ZSWIM8: variants seen among roughly 807,000 people sequenced by gnomAD.
ZSWIM8 encodes the protein zinc finger SWIM-type containing 8.
Under a neutral mutation model 173.7 loss-of-function variants are expected in ZSWIM8, and 27 were observed. The ratio of observed to expected loss-of-function variants is 0.16; its 90% CI spans 0.11 to 0.21. The LOEUF (loss-of-function observed/expected upper bound fraction) is 0.21. ZSWIM8 is among the 10% of genes least tolerant of loss of function. The pLI, the probability that ZSWIM8 is intolerant of heterozygous loss-of-function variation, is 1.00. For missense variants in ZSWIM8, 1,627 were observed against 2,428.8 expected, an observed-to-expected ratio of 0.67 and a Z score of 6.94; for synonymous variants, 958 against 962.0, an observed-to-expected ratio of 1.00 and a Z score of 0.08.
Position 73,801,358 on chromosome 10 carries a change from G to A in ZSWIM8, c.5344G>A (p.Asp1782Asn). The change falls in exon 26 of 26, where the codon GAC becomes AAC. Residue 1782 changes from aspartate to asparagine, a missense_variant. Asp to Asn is a conservative substitution (Grantham distance 23, BLOSUM62 1). This residue lies in a region of ZSWIM8 where 122 missense variants were observed against 196.1 expected (regional missense o/e 0.62). Transcript: ENST00000604729. The surrounding 1 kb of genome is among the most constrained non-coding windows in gnomAD (Gnocchi z 4.9). ...GATTCACCTGACTCCTGCGGACTACGACGACTTTGTGAATGCGATCCGGAG... is the reference window on the plus strand; with the variant it reads ...GATTCACCTGACTCCTGCGGACTACAACGACTTTGTGAATGCGATCCGGAG... ...RLIHLTPADY[D>N]DFVNAIRSAR... 1 of 1,613,938 alleles carries A rather than the reference G, an allele frequency of 6.2e-7. No individual in the cohort carries two copies.
rs1429376313 is a variant in ZSWIM8, at chr10:73,801,374, C to T, written c.5360C>T (p.Ala1787Val). The T allele has an allele frequency of 8.7e-6, 14 of 1,613,834 alleles. No individual in the cohort carries two copies. The highest frequency in any genetic ancestry group is 2.2e-5 in the East Asian group (1 of 44,892). The change falls in exon 26 of 26, where the codon GCG becomes GTG. Residue 1787 changes from alanine (A) to valine (V), a missense_variant. Physicochemically the swap from Ala to Val is moderately conservative, Grantham distance 64 (BLOSUM62 0). Around this residue, in one of 18 missense-constraint regions of ZSWIM8, gnomAD observed 122 missense variants for 196.1 expected, o/e 0.62. Transcript: ENST00000604729. This position sits in a 1 kb window ranked among gnomAD's most constrained non-coding sequence, Gnocchi z 4.9. ...GCGGACTACGACGACTTTGTGAATG[C>T]GATCCGGAGTGCCCGCAGCGCCTTC... ...TPADYDDFVN[A>V]IRSARSAFCL...
Position 73,799,411 on chromosome 10 carries a change from AC to A in ZSWIM8, c.4589del (p.Pro1530GlnfsTer33). 1 of 1,610,032 alleles carries A rather than the reference AC, an allele frequency of 6.2e-7. No homozygotes were observed. Among genetic ancestry groups the A allele is most frequent in the Admixed American group, 1.7e-5 (1 of 59,600 alleles). On this transcript the variant is annotated frameshift_variant, in exon 21 of 26. Transcript: ENST00000604729. LOFTEE classifies it high-confidence loss of function. ...HLPCSPQYLTHPAHPAHPMPH... is the reference protein window; with the variant it reads ...HLPCSPQYLTXPAHPAHPMPH... ...CCCTGTAGCCCTCAGTATCTCACTC[AC>A]CCAGCTCACCCTGCCCACCCCATGC...
In ZSWIM8 at chr10:73,800,985, C is replaced by A; in HGVS notation, c.5123-32C>A. 6.5e-7 allele frequency: 1 copy of A among 1,527,060 alleles called. No individual in the cohort carries two copies. Among genetic ancestry groups the A allele is most frequent in the South Asian group, 1.2e-5 (1 of 82,624 alleles). 94.6% of individuals were successfully genotyped at this position (1,527,060 alleles called of 1,614,324 possible). A position where few individuals can be genotyped will look rare whatever the true frequency, so the allele number is the denominator to read the frequency against. On this transcript the variant is annotated intron_variant, in intron 24 of 25. Coordinates refer to ENST00000604729, the MANE Select transcript of ZSWIM8 (RefSeq NM_001367799.1). This position sits in a 1 kb window ranked among gnomAD's most constrained non-coding sequence, Gnocchi z 4.1. ...GGGTCCCTAGGGCAGAGGTGGCCAC[C>A]CCCGTCTCATGCCCCTCCCCCTGCC...
chr10:73,786,357 CGT>C (rs984530940), intron 1 of ZSWIM8: 98 of 363,722 alleles, frequency 2.7e-4, no homozygotes, highest in Non-Finnish European at 3.7e-4. Context: ...CGCGCGCGCG[CGT>C]GCGCGCGCTG....
chr10:73,795,962 CAAAAAAAAAAAA>C (rs34801762), intron 15 of ZSWIM8, among the ~76,000 whole-genome samples: 1 of 58,818 alleles, frequency 1.7e-5, no homozygotes, highest in South Asian at 5.8e-4. Context: ...GACCCTGTTT[CAAAAAAAAAAAA>C]AAAAAAAAAA....
chr10:73,798,411 C>T lies in ZSWIM8; in HGVS notation c.4134C>T (p.Asn1378=). ...GCCTGCCTCACGCCCATGCATTGAACCCTAATGAGATCCAGCGGGCCCTGG... is the reference window on the plus strand; with the variant it reads ...GCCTGCCTCACGCCCATGCATTGAATCCTAATGAGATCCAGCGGGCCCTGG... ...LSCLPHAHAL[N]PNEIQRALVQ... is the part of the protein sequence containing the mutation. Residue 1378 remains asparagine, a synonymous_variant, in exon 20 of 26, where the codon AAC becomes AAT. Coordinates refer to ENST00000604729, the MANE Select transcript of ZSWIM8 (RefSeq NM_001367799.1). The T allele has an allele frequency of 1.9e-6, 3 of 1,613,998 alleles. No individual in the cohort carries two copies. The highest frequency in any genetic ancestry group is 2.2e-5 in the South Asian group (2 of 91,074).
In ZSWIM8 at chr10:73,797,671, A is replaced by G. The variant is rs533324751; in HGVS notation, c.3662+66A>G. 51 of 1,580,212 alleles carry G rather than the reference A, an allele frequency of 3.2e-5. No homozygotes were observed. Among genetic ancestry groups the G allele is most frequent in the Admixed American group, 5.3e-5 (3 of 57,058 alleles). On this transcript the variant is annotated intron_variant, in intron 18 of 25. Coordinates refer to ENST00000604729, the MANE Select transcript of ZSWIM8 (RefSeq NM_001367799.1). The surrounding 1 kb of genome is among the most constrained non-coding windows in gnomAD (Gnocchi z 5.6). Reference sequence around the variant, plus strand: ...CCCTCAGAGCCACACCCCTAGTGCAATCCAACCATTGTCTCCCAGCATCCT... The same window carrying G: ...CCCTCAGAGCCACACCCCTAGTGCAGTCCAACCATTGTCTCCCAGCATCCT...
At chr10:73,788,535 A>G in intron 1 of ZSWIM8, 135 bp from the exon 2 acceptor site, 1 of 1,085,470 alleles carries the variant, frequency 9.2e-7, no homozygotes, top group Non-Finnish European at 1.3e-6. Context: ...GATCCCTAGG[A>G]CTTTCATCCA....
rs2083357056 is a variant in ZSWIM8 at position 73,789,927 on chromosome 10, C to T, written c.739-29C>T. 4 of 1,606,834 alleles carry T rather than the reference C, an allele frequency of 2.5e-6. No homozygotes were observed. Among genetic ancestry groups the T allele is most frequent in the African/African-American group, 1.3e-5 (1 of 74,826 alleles). On this transcript the variant is annotated intron_variant, in intron 5 of 25. Coordinates refer to ENST00000604729, the MANE Select transcript of ZSWIM8 (RefSeq NM_001367799.1). This position sits in a 1 kb window ranked among gnomAD's most constrained non-coding sequence, Gnocchi z 6.8. The stretch of plus-strand genomic sequence containing the variant: ...TCCATGGGTTCACCTAGGCCGTGTT[C>T]TGCCTGCCTCCGTCTCTTTCTCCCT...
chr10:73,799,290 G>A lies in ZSWIM8; in HGVS notation c.4465G>A (p.Val1489Ile), dbSNP rs771530059. 8.7e-6 allele frequency: 14 copies of A among 1,602,066 alleles called. No individual in the cohort carries two copies. Among genetic ancestry groups the A allele is most frequent in the South Asian group, 6.7e-5 (6 of 89,348 alleles). The change falls in exon 21 of 26, where the codon GTC becomes ATC. Residue 1489 changes from valine to isoleucine, a missense_variant. Val to Ile is a conservative substitution (Grantham distance 29). This residue lies in a region of ZSWIM8 where 275 missense variants were observed against 290.1 expected (regional missense o/e 0.95). Transcript: ENST00000604729. ...AVTAAATVVPVISVGSSLYPG... is the reference protein window; with the variant it reads ...AVTAAATVVPIISVGSSLYPG... ...GACAGCAGCAGCCACAGTGGTGCCC[G>A]TCATATCGGTGGGGTCTAGTTTATA... is the stretch of plus-strand genomic sequence containing the variant.
intron 20 of ZSWIM8, 79 bp from the exon 21 acceptor site, chr10:73,798,923 G>A: frequency 1.3e-6 from 2 of 1,521,476 alleles, no homozygotes; most frequent in Non-Finnish European, 1.8e-6. Flanking sequence ...AGCTCTGAGG[G>A]AGACATTGGA....
intron 2 of ZSWIM8, 122 bp downstream of exon 2, chr10:73,788,945 G>A (rs1048710967): frequency 6.9e-7 from 1 of 1,441,120 alleles, no homozygotes; most frequent in Non-Finnish European, 9.5e-7. Flanking sequence ...ACAAGGGAGG[G>A]ATTGCCTGGG....
chr10:73,801,703 TG>T lies in ZSWIM8; in HGVS notation c.*189del, dbSNP rs1482239047. 3.3e-6 allele frequency: 5 copies of T among 1,533,072 alleles called. No individual in the cohort carries two copies. The highest frequency in any genetic ancestry group is 4.4e-6 in the Non-Finnish European group (5 of 1,145,696). 95.0% of individuals were successfully genotyped at this position (1,533,072 alleles called of 1,614,324 possible). On this transcript the variant is annotated 3_prime_UTR_variant, in exon 26 of 26. Coordinates refer to ENST00000604729, the MANE Select transcript of ZSWIM8 (RefSeq NM_001367799.1). The surrounding 1 kb of genome is among the most constrained non-coding windows in gnomAD (Gnocchi z 4.9). ...GTCTCACACCCTAGAAGCCTAGGGC[TG>T]GGGGAGACAGCCCTGTCTGGGAGGG...
chr10:73,794,026 T>G lies in ZSWIM8; in HGVS notation c.2607T>G (p.Ala869=), dbSNP rs1427165649. 1 of 1,613,266 alleles carries G rather than the reference T, an allele frequency of 6.2e-7. No homozygotes were observed. The highest frequency in any genetic ancestry group is 8.5e-7 in the Non-Finnish European group (1 of 1,179,590). The change falls in exon 12 of 26, where the codon GCT becomes GCG. Residue 869 remains alanine, a synonymous_variant. Transcript: ENST00000604729. ...MFALELQRPP[A]STKALEVKLA... is the part of the protein sequence containing the mutation. ...CCTTGGAGCTACAGAGGCCTCCAGC[T>G]TCTACCAAGGCCTTGGAGGTCAGAG...
At position 73,801,674 on chromosome 10, in the gene ZSWIM8, A is replaced by G. The variant is rs771376326; in HGVS notation, c.*155A>G. On this transcript the variant is annotated 3_prime_UTR_variant, in exon 26 of 26. Coordinates refer to ENST00000604729, the MANE Select transcript of ZSWIM8 (RefSeq NM_001367799.1). This position sits in a 1 kb window ranked among gnomAD's most constrained non-coding sequence, Gnocchi z 4.9. ...GCTCTTGGGCTATAGCTTGGGGCCAAGATGTCTCACACCCTAGAAGCCTAG... is the reference window on the plus strand; with the variant it reads ...GCTCTTGGGCTATAGCTTGGGGCCAGGATGTCTCACACCCTAGAAGCCTAG... 5.2e-6 allele frequency: 8 copies of G among 1,534,734 alleles called. No individual in the cohort carries two copies. In the Admixed American group the frequency reaches 7.9e-5, roughly 15 times the overall value.
At position 73,792,353 on chromosome 10, in the gene ZSWIM8, G is replaced by T; in HGVS notation, c.1814G>T (p.Arg605Leu). 4.3e-6 allele frequency: 7 copies of T among 1,611,688 alleles called. No individual in the cohort carries two copies. The highest frequency in any genetic ancestry group is 5.9e-6 in the Non-Finnish European group (7 of 1,178,980). The change falls in exon 10 of 26, where the codon CGA becomes CTA. Residue 605 changes from arginine to leucine, a missense_variant. Transcript: ENST00000604729. This position sits in a 1 kb window ranked among gnomAD's most constrained non-coding sequence, Gnocchi z 4.3. ...GGCTCAGCAGGTGGCGGAAGCAAGC[G>T]ACGGCTGAGCAGCGAAGACAGCTCC... ...SKGSAGGGSKRRLSSEDSSLE... is the reference protein window; with the variant it reads ...SKGSAGGGSKLRLSSEDSSLE...
At chr10:73,786,214 C>T (rs1009801131) in intron 1 of ZSWIM8, 128 bp downstream of exon 1, 2 of 1,118,778 alleles carry the variant, frequency 1.8e-6, no homozygotes, top group East Asian at 5.6e-5. Flanking sequence ...GGAGCTGTCC[C>T]CGGCCGGGAG....
rs553499850 is a variant in ZSWIM8, at chr10:73,786,204, G to A, written c.208+118G>A. On this transcript the variant is annotated intron_variant, in intron 1 of 25. Transcript: ENST00000604729. ...CTCTCTTCAACCAGGGGAAGAAAGG[G>A]GAGCTGTCCCCGGCCGGGAGCTGTC... 138 of 1,181,796 alleles carry A rather than the reference G, an allele frequency of 1.2e-4. 1 individual carries two copies. The South Asian group carries it at 2.2e-3, about 19-fold the overall frequency. 73.2% of individuals were successfully genotyped at this position (1,181,796 alleles called of 1,614,324 possible).
In ZSWIM8 at chr10:73,792,492, T is replaced by A. The variant is rs1195290866; in HGVS notation, c.1953T>A (p.Gly651=). 1 of 1,613,106 alleles carries A rather than the reference T, an allele frequency of 6.2e-7. No individual in the cohort carries two copies. Among genetic ancestry groups the A allele is most frequent in the Non-Finnish European group, 8.5e-7 (1 of 1,179,482 alleles). The change falls in exon 10 of 26, where the codon GGT becomes GGA. Residue 651 remains glycine, a synonymous_variant. Coordinates refer to ENST00000604729, the MANE Select transcript of ZSWIM8 (RefSeq NM_001367799.1). The surrounding 1 kb of genome is among the most constrained non-coding windows in gnomAD (Gnocchi z 4.3). ...PESPPPCPLH[G]GSRGPSTFLP... is the part of the protein sequence containing the mutation. Reference sequence around the variant, plus strand: ...GCCCTCCACCCTGTCCTCTCCACGGTGGCTCCCGAGGCCCTTCCACTTTCC... The same window carrying A: ...GCCCTCCACCCTGTCCTCTCCACGGAGGCTCCCGAGGCCCTTCCACTTTCC...
Sources: allele counts gnomAD v4.1 joint callset (sites outside exome capture counted in the v4.1 genomes callset), GRCh38; gene constraint gnomAD v4.1.1; regional missense constraint gnomAD v4.1.1; non-coding constraint Gnocchi (gnomAD v3.1); transcripts MANE v1.5; gene names NCBI Gene and HGNC (gene_info 2026-07-23, HGNC 2026-07-21).